The following ATP2A2 variants were observed in gnomAD, a reference collection of about 807,000 sequenced individuals.
ATP2A2 encodes ATPase sarcoplasmic/endoplasmic reticulum Ca2+ transporting 2, also known as sarcoplasmic/endoplasmic reticulum calcium ATPase 2.
In ATP2A2, 14 loss-of-function variants were observed where a neutral mutation model predicts 109.3. The ratio of observed to expected loss-of-function variants is 0.13; its 90% CI spans 0.08 to 0.20. The LOEUF is 0.20. Ranked by LOEUF, ATP2A2 falls within the 10% of genes least tolerant of loss-of-function variation. The probability of loss-of-function intolerance (pLI) is 1.00; values close to 1 mark genes in which losing one functional copy is unlikely to be tolerated. For synonymous variants in ATP2A2, 506 were observed against 490.9 expected, an observed-to-expected ratio of 1.03 and a Z score of -0.41; for missense variants, 657 against 1,321.6, an observed-to-expected ratio of 0.50 and a Z score of 7.80.
intron 6 of ATP2A2, among the ~76,000 whole-genome samples, chr12:110,324,610 C>CG (rs1209275855): frequency 2.0e-5 from 3 of 151,878 alleles, no homozygotes; most frequent in African/African-American, 7.3e-5. Context: ...TTAGTAGAGA[C>CG]GGGGTTTCAC....
At chr12:110,288,006 T>C (rs1304585238) in intron 3 of ATP2A2, among the ~76,000 whole-genome samples, 2 of 152,002 alleles carry the variant, frequency 1.3e-5, no homozygotes, top group Non-Finnish European at 2.9e-5. Context: ...GTGGTGCGAT[T>C]ATAGCTCACT....
rs1438974212 is a variant in ATP2A2 at position 110,340,616 on chromosome 12, C to G, written c.1762-43C>G. The G allele has an allele frequency of 1.9e-6, 3 of 1,604,502 alleles. No individual in the cohort carries two copies. The highest frequency in any genetic ancestry group is 2.6e-6 in the Non-Finnish European group (3 of 1,172,256). On this transcript the variant is annotated intron_variant, in intron 13 of 19. Coordinates refer to ENST00000539276, the MANE Select transcript of ATP2A2 (RefSeq NM_170665.4). The surrounding 1 kb of genome is among the most constrained non-coding windows in gnomAD (Gnocchi z 6.0). ...CATTTTTCAAACTAGGGGACAAAAACTAGAACTTGCCACTTTTATTTAAAG... is the reference window on the plus strand; with the variant it reads ...CATTTTTCAAACTAGGGGACAAAAAGTAGAACTTGCCACTTTTATTTAAAG...
chr12:110,336,585 G>T (rs1878863077), intron 11 of ATP2A2, among the ~76,000 whole-genome samples: 1 of 152,174 alleles, frequency 6.6e-6, no homozygotes, highest in African/African-American at 2.4e-5. Flanking sequence ...TGTCCAGCCT[G>T]CAGTTAGGGA....
intron 5 of ATP2A2, among the ~76,000 whole-genome samples, chr12:110,307,888 T>A (rs1324141597): frequency 6.6e-6 from 1 of 152,242 alleles, no homozygotes; most frequent in Non-Finnish European, 1.5e-5. Flanking sequence ...TTGCATTTGC[T>A]TTTGAGGCTT....
At chr12:110,299,618 ATTTGT>A (rs774637466) in intron 5 of ATP2A2, among the ~76,000 whole-genome samples, 3 of 151,898 alleles carry the variant, frequency 2.0e-5, no homozygotes, top group African/African-American at 4.8e-5. Flanking sequence ...AAAACAGCAG[ATTTGT>A]TTTGTTTTGT....
In ATP2A2 at chr12:110,332,675, A is replaced by G. The variant is rs781437713; in HGVS notation, c.1174A>G (p.Ile392Val). ...FTITGSTYAP[I>V]GEVHKDDKPV... Reference sequence around the variant, plus strand: ...CATAACTGGATCAACTTATGCACCTATTGGAGAAGTGTGAGTAACCCTCCT... The same window carrying G: ...CATAACTGGATCAACTTATGCACCTGTTGGAGAAGTGTGAGTAACCCTCCT... The change falls in exon 9 of 20, where the codon ATT (isoleucine) becomes GTT (valine). Residue 392 changes from isoleucine to valine, a missense_variant. Physicochemically the swap from Ile to Val is conservative, Grantham distance 29. Coordinates refer to ENST00000539276, the MANE Select transcript of ATP2A2 (RefSeq NM_170665.4). The G allele has an allele frequency of 3.1e-6, 5 of 1,610,658 alleles. No homozygotes were observed. The highest frequency in any genetic ancestry group is 3.3e-5 in the Admixed American group (2 of 60,016).
chr12:110,305,204 G>A (rs550463602), intron 5 of ATP2A2, among the ~76,000 whole-genome samples: 9 of 152,152 alleles, frequency 5.9e-5, no homozygotes, highest in Non-Finnish European at 1.0e-4. Flanking sequence ...AAAGTGCTGC[G>A]ATTATAGGCA....
intron 5 of ATP2A2, among the ~76,000 whole-genome samples, chr12:110,313,012 G>A (rs1316816079): frequency 6.6e-6 from 1 of 152,082 alleles, no homozygotes; most frequent in Non-Finnish European, 1.5e-5. Context: ...AATCAGCATA[G>A]AGAGTTTTTG....
At chr12:110,344,502 GT>G (rs1399687255) in intron 16 of ATP2A2, among the ~76,000 whole-genome samples, 6 of 152,166 alleles carry the variant, frequency 3.9e-5, no homozygotes, top group Non-Finnish European at 7.3e-5. Context: ...TTGTCCAAAA[GT>G]CCTGGTGTAA....
chr12:110,349,010 G>T lies in ATP2A2; in HGVS notation c.*2540G>T. ...AAAGTTGAGTAGTGTGTGGCCTGCTGTCGCACAGCCCCTAGTTAGCTTCAT... is the reference window on the plus strand; with the variant it reads ...AAAGTTGAGTAGTGTGTGGCCTGCTTTCGCACAGCCCCTAGTTAGCTTCAT... On this transcript the variant is annotated 3_prime_UTR_variant, in exon 20 of 20. Transcript: ENST00000539276. 1.0e-6 allele frequency: 1 copy of T among 985,454 alleles called. No homozygotes were observed. The highest frequency in any genetic ancestry group is 1.2e-6 in the Non-Finnish European group (1 of 829,956). The allele number at this position is 985,454 out of a possible 1,614,324, so 61.0% of individuals were successfully genotyped here. A position where few individuals can be genotyped will look rare whatever the true frequency, so the allele number is the denominator to read the frequency against.
At chr12:110,341,884 G>C (rs1330662919) in intron 14 of ATP2A2, among the ~76,000 whole-genome samples, 1 of 152,264 alleles carries the variant, frequency 6.6e-6, no homozygotes, top group East Asian at 1.9e-4. Flanking sequence ...ATAAAAATTT[G>C]CATATTTTTG....
At position 110,348,583 on chromosome 12, in the gene ATP2A2, G is replaced by A. The variant is rs1219234829; in HGVS notation, c.*2113G>A. The A allele has an allele frequency of 5.8e-5, 57 of 985,384 alleles. No homozygotes were observed. Among genetic ancestry groups the A allele is most frequent in the South Asian group, 2.8e-4 (6 of 21,288 alleles). The allele number at this position is 985,384 out of a possible 1,614,324, so 61.0% of individuals were successfully genotyped here. ...AGACCGACTCTTAAAAGCACAGTCC[G>A]TGGTTGGGTGTGGTGGCTCATGCCT... On this transcript the variant is annotated 3_prime_UTR_variant, in exon 20 of 20. Transcript: ENST00000539276.
chr12:110,334,180 T>C, intron 11 of ATP2A2, 37 bp downstream of exon 11: 2 of 1,611,454 alleles, frequency 1.2e-6, no homozygotes, highest in South Asian at 1.1e-5. Flanking sequence ...TCATGCTGCT[T>C]ATCAGTCGTA....
intron 15 of ATP2A2, 128 bp from the exon 16 acceptor site, chr12:110,343,104 G>T: frequency 1.0e-6 from 1 of 982,360 alleles, no homozygotes. Context: ...TTGGGTATAA[G>T]TATTTTACAG....
rs754327095 is a variant in ATP2A2, at chr12:110,349,019, C to T, written c.*2549C>T. On this transcript the variant is annotated 3_prime_UTR_variant, in exon 20 of 20. Transcript: ENST00000539276. The stretch of plus-strand genomic sequence containing the variant: ...TAGTGTGTGGCCTGCTGTCGCACAG[C>T]CCCTAGTTAGCTTCATGGTTTCTCA... 24 of 985,320 alleles carry T rather than the reference C, an allele frequency of 2.4e-5. No individual in the cohort carries two copies. The highest frequency in any genetic ancestry group is 2.9e-5 in the Non-Finnish European group (24 of 829,970). 61.0% of individuals were successfully genotyped at this position (985,320 alleles called of 1,614,324 possible).
At chr12:110,308,741 C>G (rs1255610789) in intron 5 of ATP2A2, among the ~76,000 whole-genome samples, 1 of 152,128 alleles carries the variant, frequency 6.6e-6, no homozygotes, top group East Asian at 1.9e-4. Context: ...AACTTTAATT[C>G]TGAATTTTTT....
intron 11 of ATP2A2, among the ~76,000 whole-genome samples, chr12:110,338,306 G>T (rs915852190): frequency 1.3e-5 from 2 of 152,160 alleles, no homozygotes; most frequent in African/African-American, 4.8e-5. Context: ...TATCCATCAC[G>T]TGTGACAGCC....
At chr12:110,326,794 G>A (rs1409530763) in intron 7 of ATP2A2, among the ~76,000 whole-genome samples, 2 of 152,208 alleles carry the variant, frequency 1.3e-5, no homozygotes. Context: ...GTAGATGACA[G>A]CTGCTATTTG....
chr12:110,292,796 G>T (rs1873461415), intron 4 of ATP2A2, among the ~76,000 whole-genome samples: 3 of 152,092 alleles, frequency 2.0e-5, no homozygotes, highest in Admixed American at 2.0e-4. Context: ...GAAAAACATT[G>T]TTCATTCTTT....
Sources: gnomAD v4.1 joint callset for allele counts (sites outside exome capture counted in the v4.1 genomes callset) on GRCh38, gnomAD v4.1.1 for gene constraint, Gnocchi (gnomAD v3.1) non-coding constraint, MANE v1.5 for transcripts, NCBI Gene and HGNC (gene_info 2026-07-23, HGNC 2026-07-21) for gene names.